LDLRAD4: variants seen among roughly 807,000 people sequenced by gnomAD.
LDLRAD4 encodes low-density lipoprotein receptor class A domain-containing protein 4.
In LDLRAD4, 5 loss-of-function variants were observed where a neutral mutation model predicts 17.0. The observed-to-expected ratio is 0.29, with a 90% CI of 0.15 to 0.62. The LOEUF (loss-of-function observed/expected upper bound fraction) is 0.62. Among genes scored for constraint, LDLRAD4 ranks in the 20% least tolerant of loss-of-function variants. The pLI, the probability that LDLRAD4 is intolerant of heterozygous loss-of-function variation, is 0.84. For missense variants in LDLRAD4, 340 were observed against 424.7 expected (o/e 0.80, Z 1.75); for synonymous variants, 168 against 171.8 (o/e 0.98, Z 0.17).
At chr18:13,306,359 G>A (rs1447051101) in intron 1 of LDLRAD4, among the ~76,000 whole-genome samples, 1 of 152,212 alleles carries the variant, frequency 6.6e-6, no homozygotes, top group African/African-American at 2.4e-5. Context: ...TTCCATCAGT[G>A]TTTTGTCCCT....
intron 2 of LDLRAD4, among the ~76,000 whole-genome samples, chr18:13,397,938 C>T (rs761299708): frequency 1.3e-5 from 2 of 152,262 alleles, no homozygotes; most frequent in African/African-American, 2.4e-5. Context: ...GATTAATTGT[C>T]TGCCACGGCA....
chr18:13,235,415 T>A (rs2042287294), intron 1 of LDLRAD4, among the ~76,000 whole-genome samples: 1 of 152,240 alleles, frequency 6.6e-6, no homozygotes, highest in Non-Finnish European at 1.5e-5. Context: ...TTATGGTCTG[T>A]GAATCTTTTT....
intron 3 of LDLRAD4, among the ~76,000 whole-genome samples, chr18:13,533,707 A>G (rs965890488): frequency 6.6e-6 from 1 of 152,200 alleles, no homozygotes; most frequent in African/African-American, 2.4e-5. Flanking sequence ...CACATTATGT[A>G]TATAGTTAGA....
At chr18:13,424,545 G>A (rs1309492565) in intron 2 of LDLRAD4, among the ~76,000 whole-genome samples, 1 of 152,200 alleles carries the variant, frequency 6.6e-6, no homozygotes, top group African/African-American at 2.4e-5. Flanking sequence ...TGAGCAAAGA[G>A]ACAAGCAATG....
intron 1 of LDLRAD4, among the ~76,000 whole-genome samples, chr18:13,295,125 T>A (rs917784265): frequency 1.3e-5 from 2 of 152,204 alleles, no homozygotes; most frequent in Admixed American, 6.5e-5. Context: ...GGGAAGTTGC[T>A]TCAGCAAATA....
chr18:13,650,440 TTA>T (rs1431529230), exon 6 of LDLRAD4: 9 of 398,308 alleles, frequency 2.3e-5, no homozygotes, highest in Admixed American at 8.8e-5. Flanking sequence ...TCCGTGCACA[TTA>T]TATATATGTA....
At chr18:13,333,119 C>T (rs146603888) in intron 1 of LDLRAD4, among the ~76,000 whole-genome samples, 3 of 151,994 alleles carry the variant, frequency 2.0e-5, no homozygotes, top group Non-Finnish European at 2.9e-5. Flanking sequence ...CTAATAGGTG[C>T]GTAGTGGTAT....
chr18:13,423,754 C>A (rs910022695), intron 2 of LDLRAD4: 6 of 152,550 alleles, frequency 3.9e-5, no homozygotes, highest in Non-Finnish European at 8.8e-5. Flanking sequence ...ATGTCATGGG[C>A]AACCTGTGTT....
intron 3 of LDLRAD4, among the ~76,000 whole-genome samples, chr18:13,610,637 C>A (rs1475602699): frequency 6.6e-6 from 1 of 152,166 alleles, no homozygotes; most frequent in Non-Finnish European, 1.5e-5. Flanking sequence ...CTACAGCGCT[C>A]CTCACTAAGG....
At chr18:13,576,150 G>T (rs1314931596) in intron 3 of LDLRAD4, among the ~76,000 whole-genome samples, 1 of 152,136 alleles carries the variant, frequency 6.6e-6, no homozygotes, top group Non-Finnish European at 1.5e-5. Flanking sequence ...CCAGCCGGGC[G>T]CAGTGGCTCA....
Position 13,300,569 on chromosome 18 carries a change from C to A in LDLRAD4, c.-383+22381C>A, listed in dbSNP as rs1269842303. On this transcript the variant is annotated intron_variant, in intron 1 of 5. Transcript: ENST00000359446. This position sits in a 1 kb window ranked among gnomAD's most constrained non-coding sequence, Gnocchi z 4.2. ...AGATACCCGGAACCCTCTCCTTCTC[C>A]TGGCTTATTTCGGGGTGGGTGTGTG... is the stretch of plus-strand genomic sequence containing the variant. Among the ~76,000 whole-genome samples the A allele has an allele frequency of 1.3e-5, 2 of 152,210 alleles. No homozygotes were observed. The highest frequency in any genetic ancestry group is 4.8e-5 in the African/African-American group (2 of 41,448).
chr18:13,366,484 TA>T (rs1568056426), intron 1 of LDLRAD4, among the ~76,000 whole-genome samples: 2 of 152,214 alleles, frequency 1.3e-5, no homozygotes, highest in South Asian at 2.1e-4. Flanking sequence ...TAAATTTAAA[TA>T]CTGGATCTTT....
At chr18:13,576,266 C>G (rs1011747263) in intron 3 of LDLRAD4, among the ~76,000 whole-genome samples, 3 of 151,760 alleles carry the variant, frequency 2.0e-5, no homozygotes, top group Admixed American at 1.3e-4. Context: ...ACTAAAAATA[C>G]AAAAAATTAG....
intron 1 of LDLRAD4, among the ~76,000 whole-genome samples, chr18:13,220,366 T>G (rs2041378986): frequency 6.6e-6 from 1 of 152,226 alleles, no homozygotes; most frequent in Non-Finnish European, 1.5e-5. Flanking sequence ...GCCATGGTCC[T>G]GGTTCGTGTA....
At chr18:13,578,156 A>T (rs754977610) in intron 3 of LDLRAD4, among the ~76,000 whole-genome samples, 21 of 152,178 alleles carry the variant, frequency 1.4e-4, no homozygotes, top group Non-Finnish European at 2.2e-4. Context: ...ACCAAGTCTC[A>T]TGTGTAGTTA....
intron 3 of LDLRAD4, among the ~76,000 whole-genome samples, chr18:13,535,582 G>A (rs537787861): frequency 3.9e-5 from 6 of 152,018 alleles, no homozygotes; most frequent in East Asian, 3.9e-4. Flanking sequence ...TATATTTTCC[G>A]CAAATATTTT....
chr18:13,431,123 G>A (rs11080652), intron 2 of LDLRAD4, among the ~76,000 whole-genome samples: 3,982 of 152,180 alleles, frequency 0.026, 183 homozygotes, highest in African/African-American at 0.091. Flanking sequence ...TTTTTATTGT[G>A]CCTGATTATA....
intron 3 of LDLRAD4, among the ~76,000 whole-genome samples, chr18:13,449,348 G>A (rs1022486295): frequency 3.9e-5 from 6 of 152,236 alleles, no homozygotes; most frequent in Non-Finnish European, 7.3e-5. Context: ...GGCCTGTAGG[G>A]AAGGGGCACA....
intron 1 of LDLRAD4, among the ~76,000 whole-genome samples, chr18:13,340,485 T>C (rs796289485): frequency 3.5e-4 from 54 of 152,322 alleles, no homozygotes; most frequent in African/African-American, 1.2e-3. Flanking sequence ...CCCTAGTGAT[T>C]TGTGATGTTG....
Sources: gnomAD v4.1 joint callset for allele counts (sites outside exome capture counted in the v4.1 genomes callset) on GRCh38, gnomAD v4.1.1 for gene constraint, Gnocchi (gnomAD v3.1) non-coding constraint, MANE v1.5 for transcripts, NCBI Gene and HGNC (gene_info 2026-07-23, HGNC 2026-07-21) for gene names.